The following C3orf49 variants were observed in gnomAD, a reference collection of about 807,000 sequenced individuals.
The protein encoded by C3orf49 is putative uncharacterized protein C3orf49.
Under a neutral mutation model 13.3 loss-of-function variants are expected in C3orf49, and 27 were observed. The observed-to-expected ratio is 2.02, with a 90% confidence interval of 1.49 to 2.79. The LOEUF (loss-of-function observed/expected upper bound fraction) is 2.79. Among genes scored for constraint, C3orf49 ranks in the 30% most tolerant of loss-of-function variants. The pLI is 0.00. For missense variants in C3orf49, 242 were observed against 134.2 expected, an observed-to-expected ratio of 1.80 and a Z score of -3.97; for synonymous variants, 87 against 47.6, an observed-to-expected ratio of 1.83 and a Z score of -3.40.
At chr3:63,792,806 T>C in the C3orf49 span, among the ~76,000 whole-genome samples, 1 of 152,228 alleles carries the variant, frequency 6.6e-6, no homozygotes, top group African/African-American at 2.4e-5. Flanking sequence ...TTAGTTTTTC[T>C]ACTAGGTGCA....
At chr3:63,798,762 T>C in the C3orf49 span, among the ~76,000 whole-genome samples, 1 of 152,258 alleles carries the variant, frequency 6.6e-6, no homozygotes, top group East Asian at 1.9e-4. Context: ...CCACAGCCTA[T>C]GTCACCGCTG....
At position 63,827,561 on chromosome 3, in the gene C3orf49, T is replaced by C. The variant is rs1298649517; in HGVS notation, c.446-40T>C. 1.3e-5 allele frequency: 9 copies of C among 690,380 alleles called. 1 individual carries two copies. Among genetic ancestry groups the C allele is most frequent in the South Asian group, 3.0e-5 (2 of 65,704 alleles). The allele number at this position is 690,380 out of a possible 1,614,324, so 42.8% of individuals were successfully genotyped here. A position where few individuals can be genotyped will look rare whatever the true frequency, so the allele number is the denominator to read the frequency against. ...TTTAACAGGAAGAATGTGTTCCTCA[T>C]TGTGATCCTTACAGATTCCTTTTTC... is the stretch of plus-strand genomic sequence containing the variant. On this transcript the variant is annotated intron_variant, in intron 2 of 6. Transcript: ENST00000295896.
the C3orf49 span, among the ~76,000 whole-genome samples, chr3:63,797,657 T>C: frequency 1.5e-4 from 23 of 152,186 alleles, no homozygotes; most frequent in Non-Finnish European, 3.4e-4. Context: ...AGAGATTGGC[T>C]AGCAGTCTTC....
chr3:63,816,764 C>CTTTTTTTT (rs757549553), upstream of C3orf49, among the ~76,000 whole-genome samples: 71 of 80,678 alleles, frequency 8.8e-4, 1 homozygote, highest in African/African-American at 2.6e-3. Flanking sequence ...ATTTTCTTTT[C>CTTTTTTTT]TTTTCTTTTT....
the C3orf49 span, among the ~76,000 whole-genome samples, chr3:63,788,070 G>C: frequency 6.6e-6 from 1 of 152,198 alleles, no homozygotes; most frequent in African/African-American, 2.4e-5. Flanking sequence ...TGCTTCAAGA[G>C]CAGGGACATA....
At chr3:63,838,888 T>C (rs1452930681) in intron 5 of C3orf49, among the ~76,000 whole-genome samples, 1 of 152,200 alleles carries the variant, frequency 6.6e-6, no homozygotes, top group Non-Finnish European at 1.5e-5. Flanking sequence ...AAGTTTGCTA[T>C]GTTAAAAAAT....
the C3orf49 span, among the ~76,000 whole-genome samples, chr3:63,806,242 G>A: frequency 4.5e-3 from 686 of 152,260 alleles, 5 homozygotes; most frequent in African/African-American, 0.016. Context: ...CAATGAAATC[G>A]AGCTCTGGTT....
At chr3:63,828,086 T>C (rs1359278439) in intron 3 of C3orf49, among the ~76,000 whole-genome samples, 2 of 152,258 alleles carry the variant, frequency 1.3e-5, no homozygotes, top group Non-Finnish European at 2.9e-5. Context: ...AAGATGTAAG[T>C]ATGCATTGTC....
chr3:63,785,087 T>G, the C3orf49 span, among the ~76,000 whole-genome samples: 1 of 143,238 alleles, frequency 7.0e-6, no homozygotes, highest in African/African-American at 2.6e-5. Flanking sequence ...TTTTTTTTTT[T>G]TTTGAGACAG....
chr3:63,797,463 G>A, the C3orf49 span, among the ~76,000 whole-genome samples: 2 of 152,080 alleles, frequency 1.3e-5, no homozygotes, highest in African/African-American at 4.8e-5. Flanking sequence ...GATCTTTGCT[G>A]TGAGAACCCA....
the C3orf49 span, among the ~76,000 whole-genome samples, chr3:63,791,597 T>G: frequency 6.6e-5 from 10 of 152,262 alleles, 1 homozygote; most frequent in South Asian, 1.9e-3. Flanking sequence ...CCCCAAGAGA[T>G]TCTGATTTAA....
At chr3:63,783,729 A>AAATTAATTAATT in the C3orf49 span, among the ~76,000 whole-genome samples, 2 of 148,522 alleles carry the variant, frequency 1.3e-5, no homozygotes, top group South Asian at 2.1e-4. Flanking sequence ...AAAAAAAATT[A>AAATTAATTAATT]AATTAATTAA....
chr3:63,807,857 C>CAAAAAAAAAA, the C3orf49 span, among the ~76,000 whole-genome samples: 8 of 32,250 alleles, frequency 2.5e-4, no homozygotes, highest in Admixed American at 4.1e-4. Context: ...AACTTCATCT[C>CAAAAAAAAAA]AAAAAAAAAA....
At chr3:63,792,761 T>A in the C3orf49 span, among the ~76,000 whole-genome samples, 1 of 152,340 alleles carries the variant, frequency 6.6e-6, no homozygotes, top group African/African-American at 2.4e-5. Flanking sequence ...AACCATTCCC[T>A]TGCTATGTAA....
At chr3:63,814,155 G>GA in the C3orf49 span, among the ~76,000 whole-genome samples, 1 of 152,178 alleles carries the variant, frequency 6.6e-6, no homozygotes, top group Non-Finnish European at 1.5e-5. Flanking sequence ...AAGCTTAGGG[G>GA]AAAATCACCT....
the C3orf49 span, among the ~76,000 whole-genome samples, chr3:63,812,730 C>A: frequency 6.6e-6 from 1 of 152,032 alleles, no homozygotes; most frequent in Admixed American, 6.6e-5. Context: ...AAAATTTAAA[C>A]CGTTGTTATT....
At chr3:63,838,546 C>A in intron 5 of C3orf49, 1 of 1,541,746 alleles carries the variant, frequency 6.5e-7, no homozygotes, top group Non-Finnish European at 8.7e-7. Flanking sequence ...TGTGGACTGA[C>A]AAAAGTGAAC....
chr3:63,834,159 TG>T, intron 5 of C3orf49: 2 of 1,614,144 alleles, frequency 1.2e-6, no homozygotes, highest in Non-Finnish European at 8.5e-7. Context: ...TTTCCATGCT[TG>T]CTTCCTGAGC....
At chr3:63,841,114 A>G (rs139222080) in intron 5 of C3orf49, among the ~76,000 whole-genome samples, 3,210 of 152,354 alleles carry the variant, frequency 0.021, 65 homozygotes, top group South Asian at 0.075. Context: ...ACTGATACCA[A>G]AAAACTCTCC....
Sources: allele counts gnomAD v4.1 joint callset (sites outside exome capture counted in the v4.1 genomes callset), GRCh38; gene constraint gnomAD v4.1.1; transcripts MANE v1.5; gene names NCBI Gene and HGNC (gene_info 2026-07-23, HGNC 2026-07-21).